The following AGMO variants were observed in gnomAD, a reference collection of about 807,000 sequenced individuals.
The protein encoded by AGMO is alkylglycerol monooxygenase, also known as glyceryl-ether monooxygenase.
AGMO carries 75 observed loss-of-function variants against 60.2 expected under a neutral mutation model. The ratio of observed to expected loss-of-function variants is 1.25; its 90% confidence interval spans 1.03 to 1.51. The LOEUF (loss-of-function observed/expected upper bound fraction) is 1.51, where lower values mean the gene tolerates loss of function less well. Ranked by LOEUF, AGMO falls within the 40% of genes most tolerant of loss-of-function variation. AGMO has a pLI of 0.00. For synonymous variants in AGMO, 261 were observed against 177.1 expected (o/e 1.47, Z -3.76); for missense variants, 763 against 525.5 (o/e 1.45, Z -4.42).
At chr7:15,148,257 A>C in the AGMO span, among the ~76,000 whole-genome samples, 1 of 152,006 alleles carries the variant, frequency 6.6e-6, no homozygotes, top group African/African-American at 2.4e-5. Context: ...TATGAGTAAA[A>C]TGTATTTTGC....
intron 12 of AGMO, among the ~76,000 whole-genome samples, chr7:15,294,256 C>A (rs1209755277): frequency 6.6e-6 from 1 of 151,724 alleles, no homozygotes; most frequent in East Asian, 1.9e-4. Context: ...ATAATACAAA[C>A]CCACAACAAC....
chr7:15,181,551 A>G, the AGMO span, among the ~76,000 whole-genome samples: 17 of 152,258 alleles, frequency 1.1e-4, 1 homozygote, highest in Middle Eastern at 0.01. Context: ...CTAGATACAT[A>G]CCTTTTATTC....
At chr7:15,215,096 A>T (rs954088300) in intron 12 of AGMO, among the ~76,000 whole-genome samples, 6 of 152,100 alleles carry the variant, frequency 3.9e-5, no homozygotes, top group African/African-American at 1.4e-4. Flanking sequence ...GCTAATTTTA[A>T]ATCGAATACT....
chr7:15,254,108 TTTTA>T (rs1278472420), intron 12 of AGMO, among the ~76,000 whole-genome samples: 6 of 152,128 alleles, frequency 3.9e-5, no homozygotes, highest in Non-Finnish European at 2.9e-5. Context: ...CATATTTTCT[TTTTA>T]TTCTTTCTTT....
chr7:15,197,207 TATGAGAACATGGGCGAGAC>T (rs1015534415), downstream of AGMO, among the ~76,000 whole-genome samples: 104 of 152,258 alleles, frequency 6.8e-4, no homozygotes, highest in African/African-American at 2.5e-3. Flanking sequence ...AGTCTATGAC[TATGAGAACATGGGCGAGAC>T]ATTAAAAAGG....
chr7:15,357,280 A>T (rs1447581774), intron 12 of AGMO, among the ~76,000 whole-genome samples: 5 of 151,582 alleles, frequency 3.3e-5, no homozygotes, highest in East Asian at 1.9e-4. Flanking sequence ...ACTTACCATG[A>T]AACATTGTTG....
chr7:15,241,406 G>A (rs975715356), intron 12 of AGMO, among the ~76,000 whole-genome samples: 5 of 140,086 alleles, frequency 3.6e-5, no homozygotes, highest in Non-Finnish European at 7.6e-5. Context: ...CTTGCAGTGA[G>A]CCGGGATAGC....
chr7:15,137,374 T>C, the AGMO span, among the ~76,000 whole-genome samples: 3 of 152,224 alleles, frequency 2.0e-5, no homozygotes, highest in Non-Finnish European at 4.4e-5. Flanking sequence ...CTCTTTGATT[T>C]TTATTTGTTA....
At position 15,561,861 on chromosome 7, in the gene AGMO, A is replaced by G. The variant is rs1370503563; in HGVS notation, c.-16T>C. The G allele has an allele frequency of 3.2e-6, 5 of 1,585,920 alleles. No homozygotes were observed. The highest frequency in any genetic ancestry group is 2.6e-6 in the Non-Finnish European group (3 of 1,164,450). On this transcript the variant is annotated 5_prime_UTR_variant, in exon 1 of 13. Coordinates refer to ENST00000342526, the MANE Select transcript of AGMO (RefSeq NM_001004320.2). ...GGTTCTTCATTTCTGCCCTTGTCTGATTCCCAGCTGGAGAATATTTAGGAT... is the reference window on the plus strand; with the variant it reads ...GGTTCTTCATTTCTGCCCTTGTCTGGTTCCCAGCTGGAGAATATTTAGGAT...
At chr7:15,258,576 A>C (rs1332227591) in intron 12 of AGMO, among the ~76,000 whole-genome samples, 1 of 152,054 alleles carries the variant, frequency 6.6e-6, no homozygotes, top group East Asian at 1.9e-4. Context: ...AAAATAAAAA[A>C]AGAAAAAGAA....
intron 10 of AGMO, among the ~76,000 whole-genome samples, chr7:15,382,931 T>G (rs976577871): frequency 1.3e-5 from 2 of 152,146 alleles, no homozygotes; most frequent in Non-Finnish European, 2.9e-5. Flanking sequence ...TATTGTTATA[T>G]AGATGTAACA....
intron 10 of AGMO, among the ~76,000 whole-genome samples, chr7:15,378,232 C>T (rs1042409326): frequency 6.6e-6 from 1 of 151,990 alleles, no homozygotes; most frequent in Non-Finnish European, 1.5e-5. Flanking sequence ...ACAGACAGCA[C>T]ATACAAACTT....
intron 12 of AGMO, among the ~76,000 whole-genome samples, chr7:15,330,003 T>C (rs1392807621): frequency 6.6e-6 from 1 of 152,036 alleles, no homozygotes; most frequent in African/African-American, 2.4e-5. Flanking sequence ...AAGGAAAAAA[T>C]AACTAATTTA....
intron 12 of AGMO, among the ~76,000 whole-genome samples, chr7:15,296,498 C>T (rs576690509): frequency 6.6e-6 from 1 of 152,290 alleles, no homozygotes; most frequent in Admixed American, 6.5e-5. Flanking sequence ...CCCTTGCTCA[C>T]AGTGCCATCC....
At chr7:15,244,745 G>A (rs561097541) in intron 12 of AGMO, among the ~76,000 whole-genome samples, 48 of 152,100 alleles carry the variant, frequency 3.2e-4, no homozygotes, top group Middle Eastern at 3.4e-3. Flanking sequence ...TCCACCTCCC[G>A]GGTTCATGCC....
In AGMO at chr7:15,248,179, CATATATATATATATATATATATATATAT is replaced by C. The variant is rs71549925; in HGVS notation, c.1264-46848_1264-46821del. 1.4e-3 allele frequency among the ~76,000 whole-genome samples: 45 copies of C among 32,658 alleles called. 3 individuals are homozygous for C. Among genetic ancestry groups the C allele is most frequent in the East Asian group, 0.013 (5 of 400 alleles). 21.4% of individuals were successfully genotyped at this position (32,658 alleles called of 152,430 possible). A position where few individuals can be genotyped will look rare whatever the true frequency, so the allele number is the denominator to read the frequency against. ...TGTCACAAAATCTGTGATCCAGCAC[CATATATATATATATATATATATATATAT>C]ATATATATATATATATATCTTCATC... On this transcript the variant is annotated intron_variant, in intron 12 of 12. Coordinates refer to ENST00000342526, the MANE Select transcript of AGMO (RefSeq NM_001004320.2).
At chr7:15,231,908 A>T (rs905798547) in intron 12 of AGMO, among the ~76,000 whole-genome samples, 1 of 152,164 alleles carries the variant, frequency 6.6e-6, no homozygotes, top group Non-Finnish European at 1.5e-5. Context: ...TAAAGTAGTT[A>T]CTTATATATT....
rs73679501 is a variant in AGMO, at chr7:15,425,785, T to G, written c.513+5220A>C. Among the ~76,000 whole-genome samples, 337 of 152,276 alleles carry G rather than the reference T, an allele frequency of 2.2e-3. 1 individual carries two copies. The highest frequency in any genetic ancestry group is 7.7e-3 in the African/African-American group (318 of 41,560). On this transcript the variant is annotated intron_variant, in intron 4 of 12. Coordinates refer to ENST00000342526, the MANE Select transcript of AGMO (RefSeq NM_001004320.2). ...GATGGTGGGTAAAATTTACCTTTTT[T>G]AGGGTTGCTAATATGTTATAAACAT...
intron 2 of AGMO, among the ~76,000 whole-genome samples, chr7:15,554,210 C>G (rs1027629820): frequency 2.0e-5 from 3 of 152,132 alleles, no homozygotes; most frequent in South Asian, 2.1e-4. Context: ...CTCAATCCCC[C>G]TTACCCCTTC....
Sources: allele counts gnomAD v4.1 joint callset (sites outside exome capture counted in the v4.1 genomes callset), GRCh38; gene constraint gnomAD v4.1.1; transcripts MANE v1.5; gene names NCBI Gene and HGNC (gene_info 2026-07-23, HGNC 2026-07-21).